The following KIR2DL3 variants were observed in gnomAD, a reference collection of about 807,000 sequenced individuals.
KIR2DL3 encodes killer cell immunoglobulin-like receptor 2DL3.
Under a neutral mutation model 33.8 loss-of-function variants are expected in KIR2DL3, and 39 were observed. That is an observed-to-expected ratio of 1.15 (90% CI 0.89 to 1.51). KIR2DL3 has a LOEUF of 1.51. Among genes scored for constraint, KIR2DL3 ranks in the 40% most tolerant of loss-of-function variants. The pLI is 0.00. For missense variants in KIR2DL3, 462 were observed against 426.2 expected (o/e 1.08, Z -0.74); for synonymous variants, 174 against 160.2 (o/e 1.09, Z -0.65).
At position 54,752,632 on chromosome 19, in the gene KIR2DL3, G is replaced by A. The variant is rs1362808818; in HGVS notation, c.*113G>A. ...TGCCAGCTCCAATGTACCAGCAGCT[G>A]GAATCTGAAGGCGTGAGTCTGCATC... On this transcript the variant is annotated 3_prime_UTR_variant, in exon 8 of 8. Transcript: ENST00000342376. 2.3e-6 allele frequency: 3 copies of A among 1,306,718 alleles called. No homozygotes were observed. Among genetic ancestry groups the A allele is most frequent in the East Asian group, 2.3e-5 (1 of 43,710 alleles). The allele number at this position is 1,306,718 out of a possible 1,614,324, so 80.9% of individuals were successfully genotyped here. A position where few individuals can be genotyped will look rare whatever the true frequency, so the allele number is the denominator to read the frequency against.
In KIR2DL3 at chr19:54,743,929, C is replaced by G. The variant is rs200686594; in HGVS notation, c.505C>G (p.Arg169Gly). The change falls in exon 4 of 8, where the codon CGT becomes GGT. Residue 169 changes from arginine (R) to glycine (G), a missense_variant. Transcript: ENST00000342376. ...ATCCAGGGAGGGGGAGGCCCATGAA[C>G]GTAGGTTCTCTGCAGGGCCCAAGGT... ...HLSREGEAHERRFSAGPKVNG... is the reference protein window; with the variant it reads ...HLSREGEAHEGRFSAGPKVNG... 2.0e-5 allele frequency: 32 copies of G among 1,584,280 alleles called. No individual in the cohort carries two copies. The highest frequency in any genetic ancestry group is 3.4e-4 in the Middle Eastern group (2 of 5,920).
At position 54,751,258 on chromosome 19, in the gene KIR2DL3, C is replaced by T. The variant is rs1313194338; in HGVS notation, c.716-391C>T. Among the ~76,000 whole-genome samples the T allele has an allele frequency of 1.2e-4, 15 of 130,156 alleles. 1 individual carries two copies. The highest frequency in any genetic ancestry group is 8.0e-4 in the East Asian group (4 of 4,984). The allele number at this position is 130,156 out of a possible 152,430, so 85.4% of individuals were successfully genotyped here. On this transcript the variant is annotated intron_variant, in intron 5 of 7. Coordinates refer to ENST00000342376, the MANE Select transcript of KIR2DL3 (RefSeq NM_015868.3). Reference sequence around the variant, plus strand: ...GAGGGGGAGCGATGGAGCTTCCAAGCTCTTTTGAACAACCAGCTCTCCAGG... The same window carrying T: ...GAGGGGGAGCGATGGAGCTTCCAAGTTCTTTTGAACAACCAGCTCTCCAGG...
At chr19:54,740,265 C>G (rs1373658385) in intron 2 of KIR2DL3, among the ~76,000 whole-genome samples, 2 of 151,972 alleles carry the variant, frequency 1.3e-5, no homozygotes, top group African/African-American at 4.8e-5. Flanking sequence ...CTCCTTCTCC[C>G]CAAGGTGGTC....
At chr19:54,741,920 G>A (rs2071199875) in intron 2 of KIR2DL3, 60 bp from the exon 3 acceptor site, 1 of 1,417,180 alleles carries the variant, frequency 7.1e-7, no homozygotes, top group Admixed American at 1.8e-5. Flanking sequence ...ACTCATTCTA[G>A]GTGCCATGGA....
chr19:54,748,984 G>A (rs1010712251), intron 5 of KIR2DL3, among the ~76,000 whole-genome samples: 79 of 149,320 alleles, frequency 5.3e-4, no homozygotes, highest in African/African-American at 1.9e-3. Context: ...GACAAAGAAG[G>A]TCTCACTATT....
At chr19:54,744,947 TATATA>T (rs1328754968) in intron 4 of KIR2DL3, among the ~76,000 whole-genome samples, 4 of 29,360 alleles carry the variant, frequency 1.4e-4, no homozygotes, top group African/African-American at 4.8e-4. Flanking sequence ...TATATATATA[TATATA>T]TATTTTTTTT....
chr19:54,739,252 C>A (rs1203020191), intron 1 of KIR2DL3, among the ~76,000 whole-genome samples: 2 of 96,528 alleles, frequency 2.1e-5, no homozygotes, highest in Non-Finnish European at 4.9e-5. Context: ...AGATCTGAGC[C>A]TGGATTGGCG....
chr19:54,752,264 G>A lies in KIR2DL3; in HGVS notation c.869G>A (p.Arg290Lys). 3 of 1,484,292 alleles carry A rather than the reference G, an allele frequency of 2.0e-6. No individual in the cohort carries two copies. Among genetic ancestry groups the A allele is most frequent in the East Asian group, 4.5e-5 (2 of 44,346 alleles). 91.9% of individuals were successfully genotyped at this position (1,484,292 alleles called of 1,614,324 possible). ...QEPAGNRTVN[R>K]EDSDEQDPQE... ...CCTGCAGGGAACAGAACAGTGAACAGGGAGGTAGGTGCTCCTCGGCCCAGC... is the reference window on the plus strand; with the variant it reads ...CCTGCAGGGAACAGAACAGTGAACAAGGAGGTAGGTGCTCCTCGGCCCAGC... Residue 290 changes from arginine (R) to lysine (K), a missense_variant, in exon 7 of 8, where the codon AGG becomes AAG. Transcript: ENST00000342376.
At chr19:54,742,313 G>C (rs758697981) in intron 3 of KIR2DL3, 34 bp downstream of exon 3, 3 of 1,611,454 alleles carry the variant, frequency 1.9e-6, no homozygotes, top group Non-Finnish European at 1.7e-6. Flanking sequence ...TTGTCATTGG[G>C]ATGCAGAGTG....
chr19:54,741,935 A>G, intron 2 of KIR2DL3, 45 bp from the exon 3 acceptor site: 1 of 1,505,184 alleles, frequency 6.6e-7, no homozygotes, highest in Non-Finnish European at 9.2e-7. Flanking sequence ...CATGGATGGG[A>G]TGATAAAGAG....
chr19:54,749,467 G>T lies in KIR2DL3; in HGVS notation c.715+2082G>T, dbSNP rs1486225400. Among the ~76,000 whole-genome samples the T allele has an allele frequency of 3.3e-5, 4 of 121,008 alleles. No homozygotes were observed. In the East Asian group the frequency reaches 8.2e-4, roughly 25 times the overall value. 79.4% of individuals were successfully genotyped at this position (121,008 alleles called of 152,430 possible). A position where few individuals can be genotyped will look rare whatever the true frequency, so the allele number is the denominator to read the frequency against. On this transcript the variant is annotated intron_variant, in intron 5 of 7. Coordinates refer to ENST00000342376, the MANE Select transcript of KIR2DL3 (RefSeq NM_015868.3). ...AATCATTGACTGGAAACGCTTACTG[G>T]GTTTGATTTTCCTACTTGTTTAATC...
In KIR2DL3 at chr19:54,744,040, C is replaced by T. The variant is rs2147074329; in HGVS notation, c.616C>T (p.Pro206Ser). 1 of 1,614,246 alleles carries T rather than the reference C, an allele frequency of 6.2e-7. No individual in the cohort carries two copies. Among genetic ancestry groups the T allele is most frequent in the Non-Finnish European group, 8.5e-7 (1 of 1,180,052 alleles). ...YRCFGSFRDS[P>S]YEWSNSSDPL... ...ATGCTTCGGCTCTTTCCGTGACTCTCCATACGAGTGGTCAAACTCGAGTGA... is the reference window on the plus strand; with the variant it reads ...ATGCTTCGGCTCTTTCCGTGACTCTTCATACGAGTGGTCAAACTCGAGTGA... The change falls in exon 4 of 8, where the codon CCA (proline) becomes TCA (serine). Residue 206 changes from proline (P) to serine (S), a missense_variant. Coordinates refer to ENST00000342376, the MANE Select transcript of KIR2DL3 (RefSeq NM_015868.3).
In KIR2DL3 at chr19:54,742,193, C is replaced by A. The variant is rs1277752020; in HGVS notation, c.284C>A (p.Ala95Glu). 26 of 1,614,082 alleles carry A rather than the reference C, an allele frequency of 1.6e-5. No individual in the cohort carries two copies. Among genetic ancestry groups the A allele is most frequent in the Non-Finnish European group, 2.0e-5 (24 of 1,180,040 alleles). Reference protein sequence around the residue: ...FSIGPMMQDLAGTYRCYGSVT... With the variant: ...FSIGPMMQDLEGTYRCYGSVT... ...ATCGGTCCCATGATGCAAGACCTTG[C>A]AGGGACCTACAGATGCTACGGTTCT... Residue 95 changes from alanine (A) to glutamate (E), a missense_variant, in exon 3 of 8, where the codon GCA (alanine) becomes GAA (glutamate). Ala to Glu is a moderately radical substitution (Grantham distance 107). Transcript: ENST00000342376.
chr19:54,739,663 C>A, intron 2 of KIR2DL3, 121 bp downstream of exon 2: 2 of 1,461,152 alleles, frequency 1.4e-6, no homozygotes, highest in Non-Finnish European at 1.9e-6. Flanking sequence ...CTGGGGTGCT[C>A]AGCCCACATT....
At chr19:54,740,983 C>A (rs2070965437) in intron 2 of KIR2DL3, among the ~76,000 whole-genome samples, 1 of 151,840 alleles carries the variant, frequency 6.6e-6, no homozygotes, top group Non-Finnish European at 1.5e-5. Context: ...AGTCAAGGAA[C>A]TGATTCTCCA....
intron 4 of KIR2DL3, among the ~76,000 whole-genome samples, chr19:54,744,942 ATATATATATATATTTTT>A (rs1382502742): frequency 8.3e-5 from 2 of 24,218 alleles, no homozygotes; most frequent in Admixed American, 6.5e-4. Flanking sequence ...ATATATATAT[ATATATATATATATTTTT>A]TTTTTTTTTT....
At chr19:54,749,271 G>C (rs2147157150) in intron 5 of KIR2DL3, among the ~76,000 whole-genome samples, 1 of 149,398 alleles carries the variant, frequency 6.7e-6, no homozygotes, top group South Asian at 2.1e-4. Context: ...GGGTAACCAG[G>C]AATCCCTACA....
At chr19:54,742,359 A>C (rs1248974129) in intron 3 of KIR2DL3, 80 bp downstream of exon 3, 55 of 1,531,800 alleles carry the variant, frequency 3.6e-5, no homozygotes, top group Non-Finnish European at 3.8e-5. Flanking sequence ...GGTAGTTGTA[A>C]GGAAGATGAG....
At chr19:54,744,919 A>AAAATAT (rs2072101917) in intron 4 of KIR2DL3, among the ~76,000 whole-genome samples, 1 of 41,024 alleles carries the variant, frequency 2.4e-5, no homozygotes, top group Non-Finnish European at 5.4e-5. Flanking sequence ...CACATATATA[A>AAAATAT]ACATATATAT....
Sources: gnomAD v4.1 joint callset for allele counts (sites outside exome capture counted in the v4.1 genomes callset) on GRCh38, gnomAD v4.1.1 for gene constraint, MANE v1.5 for transcripts, NCBI Gene and HGNC (gene_info 2026-07-23, HGNC 2026-07-21) for gene names.